Variants in SPPL3 observed in about 807,000 individuals in gnomAD.
The protein encoded by SPPL3 is signal peptide peptidase like 3.
In SPPL3, 5 loss-of-function variants were observed where a neutral mutation model predicts 42.4. That is an observed-to-expected ratio of 0.12 (90% CI 0.06 to 0.25). The LOEUF (loss-of-function observed/expected upper bound fraction) is 0.25. Ranked by LOEUF, SPPL3 falls within the 10% of genes least tolerant of loss-of-function variation. The pLI is 1.00. For missense variants in SPPL3, 235 were observed against 489.0 expected, an observed-to-expected ratio of 0.48 and a Z score of 4.90; for synonymous variants, 195 against 181.8, an observed-to-expected ratio of 1.07 and a Z score of -0.58.
intron 1 of SPPL3, among the ~76,000 whole-genome samples, chr12:120,881,329 C>T (rs1388127117): frequency 2.0e-5 from 3 of 150,026 alleles, no homozygotes; most frequent in Admixed American, 6.7e-5. Flanking sequence ...ATTAGCTGGG[C>T]GTGTTGGTGT....
chr12:120,874,530 A>G (rs549321874), intron 1 of SPPL3, among the ~76,000 whole-genome samples: 1 of 152,216 alleles, frequency 6.6e-6, no homozygotes, highest in South Asian at 2.1e-4. Flanking sequence ...ATAATAATGT[A>G]TTGTGTAACA....
At chr12:120,847,303 T>A (rs1872074207) in intron 1 of SPPL3, among the ~76,000 whole-genome samples, 1 of 152,134 alleles carries the variant, frequency 6.6e-6, no homozygotes, top group African/African-American at 2.4e-5. Context: ...TTTATTTATT[T>A]ATTTTTTAAG....
chr12:120,901,837 G>A (rs1002232735), intron 1 of SPPL3: 4 of 940,784 alleles, frequency 4.3e-6, no homozygotes, highest in African/African-American at 3.5e-5. Flanking sequence ...CCTTAATAGA[G>A]CCAACTAATG....
intron 1 of SPPL3, among the ~76,000 whole-genome samples, chr12:120,843,233 T>C (rs1179533220): frequency 2.0e-5 from 3 of 152,178 alleles, no homozygotes; most frequent in Admixed American, 6.5e-5. Context: ...AAAAGTACGT[T>C]TGCTATCCCC....
intron 1 of SPPL3, among the ~76,000 whole-genome samples, chr12:120,898,313 TTAAA>T (rs1566073402): frequency 6.1e-5 from 6 of 98,718 alleles, no homozygotes; most frequent in Non-Finnish European, 8.0e-5. Context: ...TTTTTTTTTT[TTAAA>T]AAAAAAAAAA....
chr12:120,863,930 G>A (rs926726345), intron 1 of SPPL3, among the ~76,000 whole-genome samples: 3 of 150,596 alleles, frequency 2.0e-5, no homozygotes, highest in East Asian at 1.9e-4. Context: ...CTCCCACCTT[G>A]GCCTCCCAAG....
At chr12:120,793,740 A>G (rs1870002335) in intron 2 of SPPL3, among the ~76,000 whole-genome samples, 1 of 152,234 alleles carries the variant, frequency 6.6e-6, no homozygotes, top group African/African-American at 2.4e-5. Flanking sequence ...GTCTATGGGT[A>G]TTTCATGGCA....
chr12:120,897,387 CATT>C (rs1230809224), intron 1 of SPPL3, among the ~76,000 whole-genome samples: 2 of 152,184 alleles, frequency 1.3e-5, no homozygotes, highest in African/African-American at 2.4e-5. Context: ...ACCCAAACAA[CATT>C]ATCATAGTAC....
intron 5 of SPPL3, among the ~76,000 whole-genome samples, chr12:120,783,249 G>C (rs1410873832): frequency 6.6e-6 from 1 of 152,282 alleles, no homozygotes; most frequent in Non-Finnish European, 1.5e-5. Context: ...GTGCAGCAAT[G>C]ACTTTCAGAG....
At chr12:120,787,467 G>A (rs1869760370) in intron 3 of SPPL3, among the ~76,000 whole-genome samples, 1 of 152,102 alleles carries the variant, frequency 6.6e-6, no homozygotes, top group African/African-American at 2.4e-5. Context: ...TTAGAACAAG[G>A]TCAGGGGAAA....
chr12:120,900,739 C>G (rs1873951523), intron 1 of SPPL3, among the ~76,000 whole-genome samples: 1 of 151,916 alleles, frequency 6.6e-6, no homozygotes, highest in Non-Finnish European at 1.5e-5. Flanking sequence ...AAAACCCTGT[C>G]TCTAGTAAAA....
chr12:120,778,896 C>T (rs898168838), intron 6 of SPPL3, among the ~76,000 whole-genome samples: 2 of 151,998 alleles, frequency 1.3e-5, no homozygotes, highest in Admixed American at 6.5e-5. Context: ...AAAAAAAATA[C>T]AATCATTTTT....
At chr12:120,854,452 G>C (rs1438039327) in intron 1 of SPPL3, among the ~76,000 whole-genome samples, 1 of 152,120 alleles carries the variant, frequency 6.6e-6, no homozygotes, top group African/African-American at 2.4e-5. Flanking sequence ...CAACAGCACA[G>C]GTCTTTTTTC....
intron 1 of SPPL3, among the ~76,000 whole-genome samples, chr12:120,840,122 T>C (rs970150077): frequency 1.1e-4 from 17 of 150,954 alleles, no homozygotes; most frequent in Admixed American, 9.2e-4. Context: ...CTACTAAAAA[T>C]ACAAAAATTA....
chr12:120,822,464 C>G (rs1210607222), intron 1 of SPPL3, among the ~76,000 whole-genome samples: 1 of 152,134 alleles, frequency 6.6e-6, no homozygotes, highest in Non-Finnish European at 1.5e-5. Context: ...AATCTAACTT[C>G]AAGAAGAAAA....
At chr12:120,833,066 G>A (rs572705325) in intron 1 of SPPL3, among the ~76,000 whole-genome samples, 84 of 152,298 alleles carry the variant, frequency 5.5e-4, no homozygotes, top group African/African-American at 1.9e-3. Flanking sequence ...CACTATAGGA[G>A]TTCAGAGGAA....
At chr12:120,902,037 GTAAC>G in intron 1 of SPPL3, 1 of 413,586 alleles carries the variant, frequency 2.4e-6, no homozygotes, top group African/African-American at 2.2e-5. Flanking sequence ...CTCAAGATGA[GTAAC>G]CACAAGGCAT....
chr12:120,886,419 A>G (rs1443470943), intron 1 of SPPL3, among the ~76,000 whole-genome samples: 1 of 152,158 alleles, frequency 6.6e-6, no homozygotes, highest in African/African-American at 2.4e-5. Context: ...ACTCTGTCTA[A>G]CCAAGTGAGC....
At chr12:120,842,659 G>A (rs749768668) in intron 1 of SPPL3, among the ~76,000 whole-genome samples, 2 of 152,026 alleles carry the variant, frequency 1.3e-5, no homozygotes, top group African/African-American at 2.4e-5. Context: ...TCCTCACATG[G>A]TAGAATAGGC....
Sources: gnomAD v4.1 joint callset for allele counts (sites outside exome capture counted in the v4.1 genomes callset) on GRCh38, gnomAD v4.1.1 for gene constraint, MANE v1.5 for transcripts, NCBI Gene and HGNC (gene_info 2026-07-23, HGNC 2026-07-21) for gene names.